The following PMS1 variants were observed in gnomAD, a reference collection of about 807,000 sequenced individuals.
PMS1 encodes PMS1 protein homolog 1.
PMS1 carries 79 observed loss-of-function variants against 93.1 expected under a neutral mutation model. That is an observed-to-expected ratio of 0.85 (90% CI 0.71 to 1.02). The LOEUF is 1.02. Among genes scored for constraint, PMS1 ranks in the 50% least tolerant of loss-of-function variants. The pLI is 0.00. For missense variants in PMS1, 1,064 were observed against 1,085.3 expected (o/e 0.98, Z 0.28); for synonymous variants, 335 against 363.4 (o/e 0.92, Z 0.89).
At chr2:189,841,731 A>C (rs979220194) in intron 5 of PMS1, among the ~76,000 whole-genome samples, 3 of 56,240 alleles carry the variant, frequency 5.3e-5, no homozygotes, top group Non-Finnish European at 1.1e-4. Flanking sequence ...TTTAGACTGT[A>C]GGAAAACAAG....
At position 189,863,787 on chromosome 2, in the gene PMS1, A is replaced by G; in HGVS notation, c.1901A>G (p.Gln634Arg). 1 of 1,610,220 alleles carries G rather than the reference A, an allele frequency of 6.2e-7. No homozygotes were observed. ...ATKDLERYNS[Q>R]MKRAIEQESQ... ...AAAGACTTGGAACGATACAATAGTCAAATGAAGAGAGCCATTGAACAGGAG... is the reference window on the plus strand; with the variant it reads ...AAAGACTTGGAACGATACAATAGTCGAATGAAGAGAGCCATTGAACAGGAG... The change falls in exon 10 of 13, where the codon CAA (glutamine) becomes CGA (arginine). Residue 634 changes from glutamine (Q) to arginine (R), a missense_variant. Gln to Arg is a conservative substitution (Grantham distance 43, BLOSUM62 1). Transcript: ENST00000441310.
intron 10 of PMS1, among the ~76,000 whole-genome samples, chr2:189,866,241 A>G (rs1175108854): frequency 6.6e-6 from 1 of 152,160 alleles, no homozygotes; most frequent in Non-Finnish European, 1.5e-5. Context: ...AAATTTCAAA[A>G]ATCTTTTTGA....
chr2:189,793,107 A>G (rs1233262), intron 2 of PMS1, among the ~76,000 whole-genome samples: 63,440 of 152,080 alleles, frequency 0.42, 17,218 homozygotes, highest in African/African-American at 0.78. Flanking sequence ...ACTCATGCCC[A>G]GCCATACTAT....
chr2:189,821,015 T>C (rs1473408038), intron 5 of PMS1, among the ~76,000 whole-genome samples: 4 of 151,934 alleles, frequency 2.6e-5, no homozygotes, highest in Admixed American at 2.6e-4. Context: ...AAAATAACCC[T>C]ATGACCTCTG....
intron 11 of PMS1, among the ~76,000 whole-genome samples, chr2:189,872,934 A>G (rs1170353047): frequency 6.6e-6 from 1 of 152,132 alleles, no homozygotes; most frequent in African/African-American, 2.4e-5. Context: ...ATGCCCAGCC[A>G]TTTAGTTTTA....
chr2:189,804,489 G>A (rs566749382), intron 3 of PMS1, among the ~76,000 whole-genome samples: 6 of 152,080 alleles, frequency 3.9e-5, no homozygotes, highest in African/African-American at 1.4e-4. Flanking sequence ...GCTTGACATA[G>A]CGCCCCTAGT....
At chr2:189,832,021 G>A (rs1431018846) in intron 5 of PMS1, among the ~76,000 whole-genome samples, 2 of 151,980 alleles carry the variant, frequency 1.3e-5, no homozygotes, top group African/African-American at 2.4e-5. Context: ...CTTAAAACTT[G>A]TTGCTTGTTT....
intron 6 of PMS1, among the ~76,000 whole-genome samples, chr2:189,845,663 G>C (rs2054194142): frequency 1.3e-5 from 2 of 151,918 alleles, no homozygotes; most frequent in South Asian, 4.2e-4. Flanking sequence ...TCTTTTTATA[G>C]GAATGATGGT....
intron 7 of PMS1, among the ~76,000 whole-genome samples, chr2:189,853,733 T>A (rs1258098797): frequency 6.6e-6 from 1 of 152,004 alleles, no homozygotes; most frequent in Non-Finnish European, 1.5e-5. Flanking sequence ...GCCAGGCTGG[T>A]CTTGAACTCC....
chr2:189,784,962 T>TA (rs2048152847), intron 1 of PMS1, among the ~76,000 whole-genome samples: 3 of 152,224 alleles, frequency 2.0e-5, no homozygotes, highest in Non-Finnish European at 4.4e-5. Context: ...TTAAACTCTT[T>TA]AAAGTTAATC....
chr2:189,818,896 G>T (rs2051566511), intron 5 of PMS1, among the ~76,000 whole-genome samples: 1 of 152,196 alleles, frequency 6.6e-6, no homozygotes, highest in African/African-American at 2.4e-5. Flanking sequence ...CTACACTGTT[G>T]ATTCTTTGGA....
chr2:189,792,688 A>AATATATATATATATAT lies in PMS1; in HGVS notation c.132+764_132+779dup, dbSNP rs3067428. ...AAACATGTATATATATATGGACACA[A>AATATATATATATATAT]ATATATATATATATATATATATATA... On this transcript the variant is annotated intron_variant, in intron 2 of 12. Transcript: ENST00000441310. 2.3e-3 allele frequency among the ~76,000 whole-genome samples: 291 copies of AATATATATATATATAT among 127,200 alleles called. 2 individuals carry two copies. Among genetic ancestry groups the AATATATATATATATAT allele is most frequent in the African/African-American group, 5.7e-3 (195 of 34,308 alleles). The allele number at this position is 127,200 out of a possible 152,430, so 83.4% of individuals were successfully genotyped here.
chr2:189,843,237 C>A (rs1396751782), intron 5 of PMS1, among the ~76,000 whole-genome samples: 7 of 151,976 alleles, frequency 4.6e-5, no homozygotes, highest in Admixed American at 2.0e-4. Flanking sequence ...AGGCTGGTCT[C>A]GAACTCCTGA....
rs530207538 is a variant in PMS1 at position 189,874,978 on chromosome 2, C to T, written c.2634+1322C>T. 3.8e-4 allele frequency among the ~76,000 whole-genome samples: 57 copies of T among 151,534 alleles called. No homozygotes were observed. The South Asian group carries it at 9.8e-3, about 26-fold the overall frequency. On this transcript the variant is annotated intron_variant, in intron 12 of 12. Transcript: ENST00000441310. ...TAAATATTTTTTTGCTAATACTTTACCTTTCAGTATGTTAAGGTAATAGTG... is the reference window on the plus strand; with the variant it reads ...TAAATATTTTTTTGCTAATACTTTATCTTTCAGTATGTTAAGGTAATAGTG...
intron 6 of PMS1, among the ~76,000 whole-genome samples, chr2:189,851,862 G>C (rs2054769141): frequency 6.6e-6 from 1 of 152,108 alleles, no homozygotes; most frequent in Non-Finnish European, 1.5e-5. Flanking sequence ...TGTCAATCTG[G>C]CTCTGTCTTA....
intron 1 of PMS1, among the ~76,000 whole-genome samples, chr2:189,789,115 A>T (rs1259560561): frequency 6.6e-6 from 1 of 152,224 alleles, no homozygotes; most frequent in Non-Finnish European, 1.5e-5. Flanking sequence ...TCAAATATAT[A>T]GATTAATTAG....
At chr2:189,824,012 T>C (rs1390585559) in intron 5 of PMS1, among the ~76,000 whole-genome samples, 1 of 152,220 alleles carries the variant, frequency 6.6e-6, no homozygotes, top group Non-Finnish European at 1.5e-5. Context: ...TTTAAATGTT[T>C]TACTAAAAGT....
At chr2:189,818,575 T>G (rs907723021) in intron 5 of PMS1, among the ~76,000 whole-genome samples, 3 of 152,232 alleles carry the variant, frequency 2.0e-5, no homozygotes, top group African/African-American at 4.8e-5. Context: ...TTTATGGTAT[T>G]TTGCTATAGC....
chr2:189,790,646 G>A (rs1029553911), intron 1 of PMS1, among the ~76,000 whole-genome samples: 50 of 152,148 alleles, frequency 3.3e-4, no homozygotes, highest in African/African-American at 9.9e-4. Context: ...ATGGTTTAGC[G>A]GTTTAAATGC....
Sources: gnomAD v4.1 joint callset for allele counts (sites outside exome capture counted in the v4.1 genomes callset) on GRCh38, gnomAD v4.1.1 for gene constraint, MANE v1.5 for transcripts, NCBI Gene and HGNC (gene_info 2026-07-23, HGNC 2026-07-21) for gene names.